The following EPHA5 variants were observed in gnomAD, a reference collection of about 807,000 sequenced individuals.
EPHA5 encodes ephrin type-A receptor 5.
In EPHA5, 60 loss-of-function variants were observed where a neutral mutation model predicts 105.0. The ratio of observed to expected loss-of-function variants is 0.57; its 90% CI spans 0.46 to 0.71. The LOEUF is 0.71. Among genes scored for constraint, EPHA5 ranks in the 30% least tolerant of loss-of-function variants. The pLI is 0.00. For missense variants in EPHA5, 1,218 were observed against 1,274.7 expected (o/e 0.96, Z 0.68); for synonymous variants, 513 against 449.1 (o/e 1.14, Z -1.80).
At chr4:65,459,445 C>A (rs1215686440) in intron 5 of EPHA5, among the ~76,000 whole-genome samples, 1 of 151,684 alleles carries the variant, frequency 6.6e-6, no homozygotes, top group Admixed American at 6.6e-5. Flanking sequence ...TTTAATATAT[C>A]TTAGTATATA....
chr4:65,582,718 G>A (rs897718706), intron 3 of EPHA5, among the ~76,000 whole-genome samples: 4 of 151,518 alleles, frequency 2.6e-5, no homozygotes, highest in Non-Finnish European at 4.4e-5. Context: ...TTGTGTGTGT[G>A]CAATTTTAAT....
intron 3 of EPHA5, among the ~76,000 whole-genome samples, chr4:65,508,854 C>T (rs559913245): frequency 6.6e-6 from 1 of 152,050 alleles, no homozygotes. Context: ...GTGAGAAAGT[C>T]TTCTTGGAGT....
intron 3 of EPHA5, among the ~76,000 whole-genome samples, chr4:65,563,586 T>C (rs7665356): frequency 0.2 from 30,942 of 151,880 alleles, 3,261 homozygotes; most frequent in Non-Finnish European, 0.22. Context: ...TCTCCAGATA[T>C]TACTCTAATG....
At chr4:65,648,130 G>C (rs1748287259) in intron 1 of EPHA5, among the ~76,000 whole-genome samples, 1 of 152,152 alleles carries the variant, frequency 6.6e-6, no homozygotes, top group Non-Finnish European at 1.5e-5. Context: ...GATTCAAGGA[G>C]AGCAAAGAGC....
At position 65,495,556 on chromosome 4, in the gene EPHA5, A is replaced by G. The variant is rs1204286924; in HGVS notation, c.911-13T>C. The G allele has an allele frequency of 6.2e-7, 1 of 1,600,688 alleles. No homozygotes were observed. The highest frequency in any genetic ancestry group is 1.7e-4 in the Middle Eastern group (1 of 5,958). The stretch of plus-strand genomic sequence containing the variant: ...CCAGGTCTGCACACTGTCAAAAGAA[A>G]TAAGAGACTAAGCTTTTCCCTGGAA... On this transcript the variant is annotated splice_polypyrimidine_tract_variant and intron_variant, in intron 3 of 16. Coordinates refer to ENST00000613740, the MANE Select transcript of EPHA5 (RefSeq NM_001281766.3).
intron 4 of EPHA5, among the ~76,000 whole-genome samples, chr4:65,492,358 C>T (rs1400284701): frequency 6.6e-6 from 1 of 151,724 alleles, no homozygotes; most frequent in Non-Finnish European, 1.5e-5. Flanking sequence ...CCCACCACCA[C>T]ACCTGGCTAA....
intron 4 of EPHA5, among the ~76,000 whole-genome samples, chr4:65,492,567 C>T (rs1731518304): frequency 6.6e-6 from 1 of 150,540 alleles, no homozygotes. Flanking sequence ...AAAAAATCCC[C>T]ACCTTGACCA....
intron 8 of EPHA5, among the ~76,000 whole-genome samples, chr4:65,383,292 A>G (rs1251396103): frequency 6.6e-6 from 1 of 151,144 alleles, no homozygotes; most frequent in Non-Finnish European, 1.5e-5. Context: ...TTAAAGTCAG[A>G]TGTGGTTTCT....
chr4:65,647,670 T>G (rs1029648436), intron 1 of EPHA5, among the ~76,000 whole-genome samples: 3 of 152,074 alleles, frequency 2.0e-5, no homozygotes, highest in Non-Finnish European at 1.5e-5. Flanking sequence ...TTATGAAAAT[T>G]TTTTTCATTC....
chr4:65,341,821 T>A (rs764638512), intron 14 of EPHA5, among the ~76,000 whole-genome samples: 1 of 151,976 alleles, frequency 6.6e-6, no homozygotes, highest in African/African-American at 2.4e-5. Flanking sequence ...GGCATTTACT[T>A]GAAATCTCAC....
rs1287671889 is a variant in EPHA5 at position 65,353,028 on chromosome 4, T to G, written c.2235+14A>C. ...AATAACACCTTGAATAACTAAATTA[T>G]TCCCCAATCCTACCTTCAAAAATGT... On this transcript the variant is annotated intron_variant, in intron 12 of 16. Transcript: ENST00000613740. 1.3e-6 allele frequency: 2 copies of G among 1,496,792 alleles called. No individual in the cohort carries two copies. The highest frequency in any genetic ancestry group is 2.6e-5 in the East Asian group (1 of 38,816). The allele number at this position is 1,496,792 out of a possible 1,614,324, so 92.7% of individuals were successfully genotyped here. A position where few individuals can be genotyped will look rare whatever the true frequency, so the allele number is the denominator to read the frequency against.
At chr4:65,403,090 T>C (rs1722009510) in intron 8 of EPHA5, among the ~76,000 whole-genome samples, 1 of 152,194 alleles carries the variant, frequency 6.6e-6, no homozygotes, top group Admixed American at 6.6e-5. Flanking sequence ...TTACTGCATA[T>C]ATTCTTAAGA....
At chr4:65,630,402 G>A (rs1397872089) in intron 2 of EPHA5, among the ~76,000 whole-genome samples, 1 of 152,118 alleles carries the variant, frequency 6.6e-6, no homozygotes, top group Non-Finnish European at 1.5e-5. Flanking sequence ...TAAATACACT[G>A]TGCATGAGGC....
chr4:65,374,439 G>A (rs1474726013), intron 8 of EPHA5, among the ~76,000 whole-genome samples: 1 of 151,642 alleles, frequency 6.6e-6, no homozygotes, highest in African/African-American at 2.4e-5. Context: ...CTTATAAATG[G>A]CACACCATGT....
chr4:65,486,551 CAT>C (rs1237158830), intron 5 of EPHA5, among the ~76,000 whole-genome samples: 6 of 152,082 alleles, frequency 3.9e-5, no homozygotes, highest in African/African-American at 1.4e-4. Context: ...AAAAAAGAAA[CAT>C]ATTTCCTGAA....
intron 11 of EPHA5, among the ~76,000 whole-genome samples, chr4:65,363,287 T>C (rs1402082794): frequency 6.6e-6 from 1 of 151,622 alleles, no homozygotes; most frequent in East Asian, 1.9e-4. Flanking sequence ...ATTAGTGTCA[T>C]CTTCACAATA....
chr4:65,366,394 A>T lies in EPHA5; in HGVS notation c.1862-337T>A, dbSNP rs140998065. On this transcript the variant is annotated intron_variant, in intron 9 of 16. Coordinates refer to ENST00000613740, the MANE Select transcript of EPHA5 (RefSeq NM_001281766.3). ...CTAGTGCTTAATTTGCTGGTTTATT[A>T]TTCTATATTTCATATGGATGATATT... Among the ~76,000 whole-genome samples, 185 of 152,020 alleles carry T rather than the reference A, an allele frequency of 1.2e-3. 1 individual carries two copies. Among genetic ancestry groups the T allele is most frequent in the African/African-American group, 4.1e-3 (169 of 41,554 alleles).
rs2149036893 is a variant in EPHA5 at position 65,420,495 on chromosome 4, T to C, written c.1473A>G (p.Glu491=). 1 of 1,613,310 alleles carries C rather than the reference T, an allele frequency of 6.2e-7. No homozygotes were observed. Among genetic ancestry groups the C allele is most frequent in the Non-Finnish European group, 8.5e-7 (1 of 1,179,542 alleles). ...GGATGATTCCATTGGGACGATCTGG[T>C]TCTTGCCAAGACAAAGAGATGCTGT... The part of the protein sequence containing the change: ...AKNSISLSWQ[E]PDRPNGIILE... Residue 491 remains glutamate, a synonymous_variant, in exon 6 of 17, where the codon GAA becomes GAG. Transcript: ENST00000613740.
intron 3 of EPHA5, among the ~76,000 whole-genome samples, chr4:65,521,311 G>A (rs1734688881): frequency 6.6e-6 from 1 of 152,030 alleles, no homozygotes; most frequent in African/African-American, 2.4e-5. Flanking sequence ...ACTCATAGGT[G>A]GGAATTGAAC....
Sources: allele counts gnomAD v4.1 joint callset (sites outside exome capture counted in the v4.1 genomes callset), GRCh38; gene constraint gnomAD v4.1.1; transcripts MANE v1.5; gene names NCBI Gene and HGNC (gene_info 2026-07-23, HGNC 2026-07-21).